LYSMD1: variants seen among roughly 807,000 people sequenced by gnomAD.
The protein encoded by LYSMD1 is LysM domain containing 1.
LYSMD1 carries 9 observed loss-of-function variants against 19.3 expected under a neutral mutation model. That is an observed-to-expected ratio of 0.47 (90% CI 0.28 to 0.81). The LOEUF (loss-of-function observed/expected upper bound fraction) is 0.81. Among genes scored for constraint, LYSMD1 ranks in the 40% least tolerant of loss-of-function variants. The pLI, the probability that LYSMD1 is intolerant of heterozygous loss-of-function variation, is 0.11. For synonymous variants in LYSMD1, 111 were observed against 111.7 expected (o/e 0.99, Z 0.04); for missense variants, 262 against 279.8 (o/e 0.94, Z 0.45).
downstream of LYSMD1, chr1:151,159,462 C>G: frequency 1.8e-6 from 1 of 559,462 alleles, no homozygotes; most frequent in African/African-American, 1.9e-5. Context: ...CTCTCTCCCA[C>G]TCCAGCCCCA....
chr1:151,152,614 C>A, the LYSMD1 span, among the ~76,000 whole-genome samples: 6 of 130,526 alleles, frequency 4.6e-5, no homozygotes, highest in African/African-American at 8.7e-5. Context: ...GCAGGAGAAT[C>A]ACTTGAACCC....
chr1:151,165,353 G>A lies in LYSMD1; in HGVS notation c.-95C>T, dbSNP rs973656664. 2.6e-5 allele frequency: 40 copies of A among 1,525,038 alleles called. 1 individual carries two copies. Among genetic ancestry groups the A allele is most frequent in the South Asian group, 2.2e-4 (17 of 77,452 alleles). The allele number at this position is 1,525,038 out of a possible 1,614,324, so 94.5% of individuals were successfully genotyped here. ...GAAGTCTGGGAATGAATATTCAGGG[G>A]ATTCCTTTCCCCCTCTCTCTTCCCC... On this transcript the variant is annotated 5_prime_UTR_variant, in exon 1 of 3. Transcript: ENST00000368908.
chr1:151,159,293 G>C, downstream of LYSMD1: 2 of 1,568,800 alleles, frequency 1.3e-6, no homozygotes, highest in African/African-American at 1.4e-5. Context: ...CAAAATGGTT[G>C]ACTGAGAAAA....
At chr1:151,149,288 C>A in the LYSMD1 span, among the ~76,000 whole-genome samples, 1 of 152,076 alleles carries the variant, frequency 6.6e-6, no homozygotes, top group African/African-American at 2.4e-5. Context: ...CCCAGCTACT[C>A]AGGAGGCTGA....
At position 151,164,913 on chromosome 1, in the gene LYSMD1, G is replaced by A. The variant is rs77614079; in HGVS notation, c.180+166C>T. Among the ~76,000 whole-genome samples the A allele has an allele frequency of 3.5e-3, 530 of 152,330 alleles. 4 individuals are homozygous for A. Among genetic ancestry groups the A allele is most frequent in the Middle Eastern group, 0.01 (3 of 294 alleles). ...GCTGTTCCTCTCCGTTGGAATAGTA[G>A]GGCAGGACTTGTGCAACACTGTGAT... On this transcript the variant is annotated intron_variant, in intron 1 of 2. Transcript: ENST00000368908.
chr1:151,160,827 TC>T lies in LYSMD1; in HGVS notation c.*54del, dbSNP rs2101686579. 1 of 1,577,926 alleles carries T rather than the reference TC, an allele frequency of 6.3e-7. No individual in the cohort carries two copies. The highest frequency in any genetic ancestry group is 8.7e-7 in the Non-Finnish European group (1 of 1,151,776). ...TCTTGAGCCTCACCTCAGGCTCCTC[TC>T]CCCCTGAAGTTTCTCTTTCAACATC... On this transcript the variant is annotated 3_prime_UTR_variant, in exon 3 of 3. Coordinates refer to ENST00000368908, the MANE Select transcript of LYSMD1 (RefSeq NM_212551.5).
At chr1:151,164,873 CATA>C (rs1340818057) in intron 1 of LYSMD1, among the ~76,000 whole-genome samples, 1 of 152,144 alleles carries the variant, frequency 6.6e-6, no homozygotes, top group Non-Finnish European at 1.5e-5. Context: ...CAGTGTCTGG[CATA>C]ATAAAATAGG....
At chr1:151,161,081 A>C in intron 2 of LYSMD1, 61 bp from the exon 3 acceptor site, 3 of 1,575,578 alleles carry the variant, frequency 1.9e-6, no homozygotes, top group South Asian at 2.2e-5. Context: ...ACAATGGGCC[A>C]AGTGAGAGGT....
downstream of LYSMD1, among the ~76,000 whole-genome samples, chr1:151,158,076 G>A (rs1683287584): frequency 6.6e-6 from 1 of 151,990 alleles, no homozygotes; most frequent in East Asian, 1.9e-4. Context: ...TGTATTCCCG[G>A]CACTTTGGGA....
At chr1:151,149,225 C>A in the LYSMD1 span, among the ~76,000 whole-genome samples, 1 of 151,764 alleles carries the variant, frequency 6.6e-6, no homozygotes, top group African/African-American at 2.4e-5. Flanking sequence ...AACTCCAGCT[C>A]TGCTAAAAAT....
chr1:151,149,209 T>C, the LYSMD1 span, among the ~76,000 whole-genome samples: 20 of 150,716 alleles, frequency 1.3e-4, no homozygotes, highest in Non-Finnish European at 8.9e-5. Flanking sequence ...CTGGCCAACA[T>C]GGAGAAACTC....
rs587653951 is a variant in LYSMD1, at chr1:151,165,831, C to A, written c.-573G>T. 7.0e-7 allele frequency: 1 copy of A among 1,429,264 alleles called. No individual in the cohort carries two copies. Among genetic ancestry groups the A allele is most frequent in the Admixed American group, 2.0e-5 (1 of 50,864 alleles). The allele number at this position is 1,429,264 out of a possible 1,614,324, so 88.5% of individuals were successfully genotyped here. ...TCGGCTCCACATCTAGGTTGTTGTC[C>A]CTCCAAACGCCTCAGATCCGCCAAG... On this transcript the variant is annotated 5_prime_UTR_variant, in exon 1 of 3. Transcript: ENST00000368908.
intron 1 of LYSMD1, among the ~76,000 whole-genome samples, chr1:151,163,471 A>C (rs1184461815): frequency 6.6e-6 from 1 of 152,134 alleles, no homozygotes; most frequent in Non-Finnish European, 1.5e-5. Context: ...AATTATTATC[A>C]TAATTAGATA....
At chr1:151,153,572 T>C in the LYSMD1 span, among the ~76,000 whole-genome samples, 1 of 151,768 alleles carries the variant, frequency 6.6e-6, no homozygotes, top group East Asian at 1.9e-4. Flanking sequence ...GGAGAATTGC[T>C]TGAATCCGGG....
the LYSMD1 span, among the ~76,000 whole-genome samples, chr1:151,152,872 C>T: frequency 1.8e-4 from 27 of 152,182 alleles, no homozygotes; most frequent in African/African-American, 6.0e-4. Flanking sequence ...AAACAAACAT[C>T]GGACTGTTCC....
the LYSMD1 span, among the ~76,000 whole-genome samples, chr1:151,149,844 C>T: frequency 6.6e-6 from 1 of 152,262 alleles, no homozygotes; most frequent in East Asian, 1.9e-4. Context: ...CCTTTTTTTG[C>T]AAGTTCCTTT....
rs1683413193 is a variant in LYSMD1 at position 151,160,744 on chromosome 1, A to G, written c.*138T>C. 2.9e-5 allele frequency: 32 copies of G among 1,105,324 alleles called. No individual in the cohort carries two copies. The South Asian group carries it at 4.9e-4, about 17-fold the overall frequency. 68.5% of individuals were successfully genotyped at this position (1,105,324 alleles called of 1,614,324 possible). A position where few individuals can be genotyped will look rare whatever the true frequency, so the allele number is the denominator to read the frequency against. On this transcript the variant is annotated 3_prime_UTR_variant, in exon 3 of 3. Coordinates refer to ENST00000368908, the MANE Select transcript of LYSMD1 (RefSeq NM_212551.5). ...TGCCCCAGGCCAAGGAATTTTTGGC[A>G]GACAAGGAGGCTGGGGAGGATGGCT... is the stretch of plus-strand genomic sequence containing the variant.
chr1:151,153,421 G>A, the LYSMD1 span, among the ~76,000 whole-genome samples: 4 of 152,174 alleles, frequency 2.6e-5, no homozygotes, highest in South Asian at 4.2e-4. Flanking sequence ...TTGGGAGGTC[G>A]AGGTGGGTGG....
At chr1:151,151,527 A>T in the LYSMD1 span, among the ~76,000 whole-genome samples, 1 of 151,774 alleles carries the variant, frequency 6.6e-6, no homozygotes, top group Non-Finnish European at 1.5e-5. Context: ...GTTGCTTACC[A>T]TAAAATCTAG....
Sources: gnomAD v4.1 joint callset for allele counts (sites outside exome capture counted in the v4.1 genomes callset) on GRCh38, gnomAD v4.1.1 for gene constraint, MANE v1.5 for transcripts, NCBI Gene and HGNC (gene_info 2026-07-23, HGNC 2026-07-21) for gene names.